PACRG: variants seen among roughly 807,000 people sequenced by gnomAD.
PACRG encodes the protein parkin coregulated gene protein.
PACRG carries 29 observed loss-of-function variants against 29.7 expected under a neutral mutation model. The observed-to-expected ratio is 0.98, with a 90% CI of 0.73 to 1.33. PACRG has a LOEUF of 1.33. Ranked by LOEUF, PACRG falls within the 40% of genes most tolerant of loss-of-function variation. The probability of loss-of-function intolerance (pLI) is 0.00; values close to 1 mark genes in which losing one functional copy is unlikely to be tolerated. For synonymous variants in PACRG, 116 were observed against 118.7 expected, an observed-to-expected ratio of 0.98 and a Z score of 0.15; for missense variants, 279 against 316.2, an observed-to-expected ratio of 0.88 and a Z score of 0.89.
At chr6:163,080,144 C>T (rs537962777) in intron 3 of PACRG, among the ~76,000 whole-genome samples, 188 of 151,962 alleles carry the variant, frequency 1.2e-3, no homozygotes, top group Non-Finnish European at 2.3e-3. Context: ...ATGATCTGCC[C>T]GCCTCGGCCT....
At position 162,809,965 on chromosome 6, in the gene PACRG, G is replaced by A. The variant is rs73603839; in HGVS notation, c.157-4182G>A. Among the ~76,000 whole-genome samples, 120 of 152,304 alleles carry A rather than the reference G, an allele frequency of 7.9e-4. 1 individual carries two copies. Among genetic ancestry groups the A allele is most frequent in the African/African-American group, 2.7e-3 (114 of 41,582 alleles). ...GCTTGTTCCCCACTTAGTGACGAAA[G>A]AGTTGTCTCCTTCCCATTGGAGTTA... On this transcript the variant is annotated intron_variant, in intron 1 of 4. Transcript: ENST00000366888.
intron 2 of PACRG, among the ~76,000 whole-genome samples, chr6:163,036,887 TCC>T (rs2128233720): frequency 6.6e-6 from 1 of 151,682 alleles, no homozygotes; most frequent in Non-Finnish European, 1.5e-5. Flanking sequence ...CATCCATCCA[TCC>T]ATCCATCCAT....
chr6:162,808,269 G>T (rs553607800), intron 1 of PACRG, among the ~76,000 whole-genome samples: 1 of 152,252 alleles, frequency 6.6e-6, no homozygotes, highest in East Asian at 1.9e-4. Flanking sequence ...TTGCCCACCC[G>T]TTTATAACAA....
intron 4 of PACRG, among the ~76,000 whole-genome samples, chr6:163,108,560 T>C (rs76409908): frequency 1.9e-5 from 1 of 53,240 alleles, no homozygotes; most frequent in Non-Finnish European, 3.9e-5. Flanking sequence ...ACCCAGCTAA[T>C]TTTTTTTTTG....
rs770663362 is a variant in PACRG at position 163,089,375 on chromosome 6, C to T, written c.580C>T (p.Leu194Phe). ...CTTGGTGCCTTATTACCGTCAAATC[C>T]TCCCTGTCCTGAACATCTTTAAGAA... is the stretch of plus-strand genomic sequence containing the variant. ...KALVPYYRQI[L>F]PVLNIFKNMN... The change falls in exon 4 of 5, where the codon CTC (leucine) becomes TTC (phenylalanine). Residue 194 changes from leucine (L) to phenylalanine (F), a missense_variant. Physicochemically the swap from Leu to Phe is conservative, Grantham distance 22. Transcript: ENST00000366888. 4.3e-6 allele frequency: 7 copies of T among 1,614,028 alleles called. No homozygotes were observed. In the Admixed American group the frequency reaches 1.0e-4, roughly 23 times the overall value.
At chr6:162,916,026 C>A (rs1562729736) in intron 2 of PACRG, among the ~76,000 whole-genome samples, 1 of 152,112 alleles carries the variant, frequency 6.6e-6, no homozygotes, top group African/African-American at 2.4e-5. Context: ...CCTCTTGTAT[C>A]ATTTTTCTTC....
At chr6:162,769,155 A>G (rs1263446626) in intron 1 of PACRG, among the ~76,000 whole-genome samples, 3 of 152,170 alleles carry the variant, frequency 2.0e-5, no homozygotes, top group Non-Finnish European at 4.4e-5. Context: ...TCGGAAGAGG[A>G]CAGACTAAAC....
At chr6:163,083,629 A>G (rs1813278001) in intron 3 of PACRG, among the ~76,000 whole-genome samples, 1 of 152,050 alleles carries the variant, frequency 6.6e-6, no homozygotes, top group Admixed American at 6.5e-5. Flanking sequence ...AGAATAGTAA[A>G]TGTTCATTTT....
intron 1 of PACRG, 94 bp from the exon 2 acceptor site, chr6:162,814,052 AC>A: frequency 7.5e-7 from 1 of 1,326,324 alleles, no homozygotes; most frequent in South Asian, 1.6e-5. Context: ...ACATATTTAT[AC>A]AAACTGAAAT....
intron 1 of PACRG, among the ~76,000 whole-genome samples, chr6:162,772,579 A>G (rs1019723187): frequency 2.0e-5 from 3 of 152,230 alleles, no homozygotes; most frequent in Non-Finnish European, 2.9e-5. Flanking sequence ...AGAGACAACA[A>G]TGAAAAGGCC....
At chr6:163,163,723 T>C (rs1431616180) in intron 4 of PACRG, among the ~76,000 whole-genome samples, 1 of 152,054 alleles carries the variant, frequency 6.6e-6, no homozygotes, top group African/African-American at 2.4e-5. Context: ...CAAAAAGTGT[T>C]CAGTAGCATA....
At chr6:162,896,575 G>A (rs1273185360) in intron 2 of PACRG, among the ~76,000 whole-genome samples, 2 of 152,172 alleles carry the variant, frequency 1.3e-5, no homozygotes, top group East Asian at 1.9e-4. Context: ...AGGCTACCTG[G>A]GAAAACTATG....
chr6:162,731,454 T>C (rs944872288), intron 1 of PACRG, among the ~76,000 whole-genome samples: 13 of 152,142 alleles, frequency 8.5e-5, no homozygotes, highest in Non-Finnish European at 1.3e-4. Flanking sequence ...TATGGAGCAT[T>C]TATATTGTTT....
At chr6:163,166,234 C>A (rs13195800) in intron 4 of PACRG, 47,068 of 455,890 alleles carry the variant, frequency 0.1, 2,911 homozygotes, top group South Asian at 0.15. Context: ...CTGCTCTCCT[C>A]TTTGACTGTT....
At chr6:163,073,696 T>A (rs1349197694) in intron 3 of PACRG, among the ~76,000 whole-genome samples, 1 of 152,212 alleles carries the variant, frequency 6.6e-6, no homozygotes, top group Non-Finnish European at 1.5e-5. Context: ...GACAAGGGAT[T>A]AACAGCTAGA....
intron 1 of PACRG, among the ~76,000 whole-genome samples, chr6:162,807,018 A>C (rs903390368): frequency 9.9e-5 from 15 of 152,194 alleles, no homozygotes; most frequent in African/African-American, 3.6e-4. Flanking sequence ...CTCACCTTGC[A>C]CTTTAATTTA....
chr6:163,133,815 C>G (rs1316317118), intron 4 of PACRG, among the ~76,000 whole-genome samples: 2 of 152,134 alleles, frequency 1.3e-5, no homozygotes, highest in African/African-American at 4.8e-5. Flanking sequence ...TAGCTGCATT[C>G]TAAGAAAAAT....
upstream of PACRG, chr6:162,727,339 A>AGGTGAGGGGCGGCGGCGGGGCGAG: frequency 5.3e-6 from 2 of 378,768 alleles, no homozygotes; most frequent in East Asian, 4.9e-5. Context: ...GGCGGGGAGA[A>AGGTGAGGGGCGGCGGCGGGGCGAG]GGCTTCGGGA....
intron 4 of PACRG, among the ~76,000 whole-genome samples, chr6:163,313,524 T>G (rs1355841150): frequency 6.6e-6 from 1 of 152,234 alleles, no homozygotes; most frequent in East Asian, 1.9e-4. Flanking sequence ...TAAGTCTTTT[T>G]TAAATGTCTC....
Sources: gnomAD v4.1 joint callset for allele counts (sites outside exome capture counted in the v4.1 genomes callset) on GRCh38, gnomAD v4.1.1 for gene constraint, MANE v1.5 for transcripts, NCBI Gene and HGNC (gene_info 2026-07-23, HGNC 2026-07-21) for gene names.